Variants in CIPC observed in about 807,000 individuals in gnomAD.
CIPC encodes CLOCK-interacting pacemaker.
Under a neutral mutation model 26.7 loss-of-function variants are expected in CIPC, and 12 were observed. The observed-to-expected ratio is 0.45, with a 90% CI of 0.29 to 0.73. CIPC has a LOEUF of 0.73. CIPC is among the 30% of genes least tolerant of loss of function. CIPC has a pLI of 0.12. For missense variants in CIPC, 417 were observed against 486.5 expected, an observed-to-expected ratio of 0.86 and a Z score of 1.34; for synonymous variants, 170 against 189.8, an observed-to-expected ratio of 0.90 and a Z score of 0.86.
Position 77,113,570 on chromosome 14 carries a change from G to A in CIPC, c.452G>A (p.Arg151Lys). 6.2e-7 allele frequency: 1 copy of A among 1,614,196 alleles called. No homozygotes were observed. The highest frequency in any genetic ancestry group is 1.1e-5 in the South Asian group (1 of 91,086). ...CHTGEKKSDS[R>K]NYLPILNSYT... The stretch of plus-strand genomic sequence containing the variant: ...ACTGGTGAGAAAAAGTCCGACTCCA[G>A]GAACTACTTGCCCATTCTGAATTCT... The change falls in exon 4 of 4, where the codon AGG (arginine) becomes AAG (lysine). Residue 151 changes from arginine (R) to lysine (K), a missense_variant. Physicochemically the swap from Arg to Lys is conservative, Grantham distance 26. Transcript: ENST00000361786.
chr14:77,109,593 C>A (rs565578991), intron 2 of CIPC, among the ~76,000 whole-genome samples: 1 of 152,204 alleles, frequency 6.6e-6, no homozygotes, highest in Non-Finnish European at 1.5e-5. Flanking sequence ...AAGTCAAACT[C>A]GTCCTAGGGC....
chr14:77,110,633 C>CT (rs972103239), intron 3 of CIPC, among the ~76,000 whole-genome samples: 2 of 152,170 alleles, frequency 1.3e-5, no homozygotes, highest in South Asian at 4.1e-4. Flanking sequence ...AGATGAAAAT[C>CT]TAAGTTAAGC....
chr14:77,115,308 G>C lies in CIPC; in HGVS notation c.*990G>C, dbSNP rs1886791278. The C allele has an allele frequency of 6.7e-6, 1 of 150,248 alleles. No homozygotes were observed. Among genetic ancestry groups the C allele is most frequent in the South Asian group, 2.1e-4 (1 of 4,794 alleles). The allele number at this position is 150,248 out of a possible 1,614,324, so 9.3% of individuals were successfully genotyped here. On this transcript the variant is annotated 3_prime_UTR_variant, in exon 4 of 4. Coordinates refer to ENST00000361786, the MANE Select transcript of CIPC (RefSeq NM_033426.3). ...CTTGATAAACTTTGAATTAAATACA[G>C]TTGTCTTGAGGGTATGATAAGTCCA...
In CIPC at chr14:77,105,803, G is replaced by T; in HGVS notation, c.95G>T (p.Gly32Val). Residue 32 changes from glycine (G) to valine (V), a missense_variant, in exon 2 of 4, where the codon GGG (glycine) becomes GTG (valine). Gly to Val is a moderately radical substitution (Grantham distance 109). Coordinates refer to ENST00000361786, the MANE Select transcript of CIPC (RefSeq NM_033426.3). The part of the protein sequence containing the change: ...TEMKKVARQL[G>V]MAAAESDKDS... The stretch of plus-strand genomic sequence containing the variant: ...ATGAAGAAAGTGGCTCGTCAGCTTG[G>T]GATGGCTGCTGCTGAGTCAGACAAG... 1 of 1,614,108 alleles carries T rather than the reference G, an allele frequency of 6.2e-7. No homozygotes were observed. Among genetic ancestry groups the T allele is most frequent in the Non-Finnish European group, 8.5e-7 (1 of 1,179,994 alleles).
intron 1 of CIPC, among the ~76,000 whole-genome samples, chr14:77,104,954 C>T (rs1448175706): frequency 6.6e-6 from 1 of 152,180 alleles, no homozygotes; most frequent in Non-Finnish European, 1.5e-5. Flanking sequence ...GTTTCCTCCC[C>T]TGTAAAGTGA....
At chr14:77,102,558 T>G (rs1886510778) in intron 1 of CIPC, among the ~76,000 whole-genome samples, 1 of 152,224 alleles carries the variant, frequency 6.6e-6, no homozygotes, top group Non-Finnish European at 1.5e-5. Flanking sequence ...CTCTATTGAC[T>G]ACACTTTAAT....
In CIPC at chr14:77,115,743, T is replaced by C. The variant is rs555832470; in HGVS notation, c.*1425T>C. ...CTCTTGTTGCCCAGGCGGAGTACAA[T>C]GGTGGGATCTCGGCTCACTGCAACC... is the stretch of plus-strand genomic sequence containing the variant. On this transcript the variant is annotated 3_prime_UTR_variant, in exon 4 of 4. Coordinates refer to ENST00000361786, the MANE Select transcript of CIPC (RefSeq NM_033426.3). The C allele has an allele frequency of 2.6e-5, 4 of 151,800 alleles. No homozygotes were observed. The highest frequency in any genetic ancestry group is 7.3e-5 in the African/African-American group (3 of 41,298). 9.4% of individuals were successfully genotyped at this position (151,800 alleles called of 1,614,324 possible).
rs3185777 is a variant in CIPC at position 77,116,300 on chromosome 14, T to C, written c.*1982T>C. On this transcript the variant is annotated 3_prime_UTR_variant, in exon 4 of 4. Transcript: ENST00000361786. ...TTTTCTCTTGGCCCACTCTCTTTGCTTCCCCTGAATCTGTGTGGTACTATA... is the reference window on the plus strand; with the variant it reads ...TTTTCTCTTGGCCCACTCTCTTTGCCTCCCCTGAATCTGTGTGGTACTATA... 0.65 allele frequency: 98,444 copies of C among 152,038 alleles called. 32,514 individuals carry two copies. Among genetic ancestry groups the C allele is most frequent in the Middle Eastern group, 0.74 (217 of 294 alleles). 9.4% of individuals were successfully genotyped at this position (152,038 alleles called of 1,614,324 possible). A position where few individuals can be genotyped will look rare whatever the true frequency, so the allele number is the denominator to read the frequency against.
chr14:77,114,434 T>G lies in CIPC; in HGVS notation c.*116T>G, dbSNP rs1886768994. ...TTCCTTCTAAACTTAAACTGTGTTG[T>G]GGTTCACTTAGGAAGCCACGTGCCA... On this transcript the variant is annotated 3_prime_UTR_variant, in exon 4 of 4. Transcript: ENST00000361786. 1 of 1,203,324 alleles carries G rather than the reference T, an allele frequency of 8.3e-7. No homozygotes were observed. The highest frequency in any genetic ancestry group is 1.5e-5 in the South Asian group (1 of 65,908). The allele number at this position is 1,203,324 out of a possible 1,614,324, so 74.5% of individuals were successfully genotyped here.
chr14:77,113,307 A>C, intron 3 of CIPC, 118 bp from the exon 4 acceptor site: 1 of 1,041,308 alleles, frequency 9.6e-7, no homozygotes, highest in Non-Finnish European at 1.5e-6. Context: ...TGAGAGAAGC[A>C]CTGTCCTTGA....
intron 1 of CIPC, among the ~76,000 whole-genome samples, chr14:77,102,817 A>G (rs1886518168): frequency 6.6e-6 from 1 of 152,240 alleles, no homozygotes; most frequent in Admixed American, 6.5e-5. Flanking sequence ...ATCTACTTCC[A>G]TTTTGGAGAT....
At position 77,101,455 on chromosome 14, in the gene CIPC, CA is replaced by C. The variant is rs200945450; in HGVS notation, c.-53+3095del. ...AGGCTTTCATATTTTTAATCATTTT[CA>C]TATGAAAAATAGTCAATTTGCCATC... On this transcript the variant is annotated intron_variant, in intron 1 of 3. Coordinates refer to ENST00000361786, the MANE Select transcript of CIPC (RefSeq NM_033426.3). 1.4e-3 allele frequency among the ~76,000 whole-genome samples: 216 copies of C among 152,288 alleles called. 6 individuals carry two copies. In the East Asian group the frequency reaches 0.036, roughly 25 times the overall value.
chr14:77,101,861 G>A (rs950162791), intron 1 of CIPC, among the ~76,000 whole-genome samples: 7 of 152,162 alleles, frequency 4.6e-5, no homozygotes, highest in African/African-American at 1.7e-4. Flanking sequence ...TGAGGTGGGA[G>A]GATTGCTTGA....
chr14:77,107,618 C>G (rs938182807), intron 2 of CIPC, among the ~76,000 whole-genome samples: 1 of 136,802 alleles, frequency 7.3e-6, no homozygotes, highest in African/African-American at 2.8e-5. Context: ...TTCTCTCTCT[C>G]GCTCTCTTTA....
intron 3 of CIPC, among the ~76,000 whole-genome samples, chr14:77,110,912 C>T (rs1375993850): frequency 6.6e-6 from 1 of 152,154 alleles, no homozygotes; most frequent in Non-Finnish European, 1.5e-5. Context: ...AATGTCTTAG[C>T]TATTACCTAG....
At chr14:77,109,594 G>A (rs144516312) in intron 2 of CIPC, among the ~76,000 whole-genome samples, 5 of 152,262 alleles carry the variant, frequency 3.3e-5, no homozygotes, top group Admixed American at 6.5e-5. Flanking sequence ...AGTCAAACTC[G>A]TCCTAGGGCA....
rs1360700969 is a variant in CIPC at position 77,113,518 on chromosome 14, G to A, written c.400G>A (p.Val134Ile). The A allele has an allele frequency of 1.9e-6, 3 of 1,614,070 alleles. No homozygotes were observed. The highest frequency in any genetic ancestry group is 2.2e-5 in the South Asian group (2 of 91,076). ...QPQLLFLHPP[V>I]PSPVSPCHTG... is the part of the protein sequence containing the mutation. Reference sequence around the variant, plus strand: ...ACAGCTCTTATTCCTTCATCCACCTGTACCATCTCCTGTCAGTCCATGTCA... The same window carrying A: ...ACAGCTCTTATTCCTTCATCCACCTATACCATCTCCTGTCAGTCCATGTCA... Residue 134 changes from valine (V) to isoleucine (I), a missense_variant, in exon 4 of 4, where the codon GTA becomes ATA. Val to Ile is a conservative substitution (Grantham distance 29, BLOSUM62 3). Transcript: ENST00000361786.
chr14:77,109,676 C>G (rs1886657125), intron 2 of CIPC, 136 bp from the exon 3 acceptor site: 4 of 689,550 alleles, frequency 5.8e-6, no homozygotes, highest in Non-Finnish European at 9.4e-6. Flanking sequence ...AGCTAAAAGC[C>G]TCCTTCTCAA....
rs530493329 is a variant in CIPC at position 77,102,051 on chromosome 14, G to A, written c.-52-3606G>A. On this transcript the variant is annotated intron_variant, in intron 1 of 3. Transcript: ENST00000361786. ...CAGTTAGCTGTGATCGTGCCACTGC[G>A]CTCTAGCCTGAGCAACAGCGTGTGA... Among the ~76,000 whole-genome samples the A allele has an allele frequency of 4.6e-5, 7 of 152,154 alleles. No homozygotes were observed. In the East Asian group the frequency reaches 1.2e-3, roughly 25 times the overall value.
Sources: allele counts gnomAD v4.1 joint callset (sites outside exome capture counted in the v4.1 genomes callset), GRCh38; gene constraint gnomAD v4.1.1; transcripts MANE v1.5; gene names NCBI Gene and HGNC (gene_info 2026-07-23, HGNC 2026-07-21).